Variants in PRKN observed in about 807,000 individuals in gnomAD.
PRKN encodes the protein E3 ubiquitin-protein ligase parkin.
A neutral mutation model predicts 59.5 loss-of-function variants in PRKN; 56 were observed. The ratio of observed to expected loss-of-function variants is 0.94; its 90% CI spans 0.76 to 1.18. The LOEUF (loss-of-function observed/expected upper bound fraction) is 1.18. Ranked by LOEUF, PRKN falls within the 50% of genes most tolerant of loss-of-function variation. The pLI is 0.00. For missense variants in PRKN, 657 were observed against 596.4 expected (o/e 1.10, Z -1.06); for synonymous variants, 250 against 222.1 (o/e 1.13, Z -1.12).
At chr6:161,644,825 C>T (rs1417177858) in intron 7 of PRKN, among the ~76,000 whole-genome samples, 1 of 152,198 alleles carries the variant, frequency 6.6e-6, no homozygotes, top group African/African-American at 2.4e-5. Context: ...GGCCAACAGC[C>T]AAGGCTGCCC....
rs189651753 is a variant in PRKN at position 162,127,066 on chromosome 6, C to G, written c.535-72892G>C. Among the ~76,000 whole-genome samples, 6 of 152,304 alleles carry G rather than the reference C, an allele frequency of 3.9e-5. No individual in the cohort carries two copies. The East Asian group carries it at 1.2e-3, about 29-fold the overall frequency. ...AAGCTCCCAGTTCTTTTCCTTTTTACATTATTGATTTCTAAACCAATAAAA... is the reference window on the plus strand; with the variant it reads ...AAGCTCCCAGTTCTTTTCCTTTTTAGATTATTGATTTCTAAACCAATAAAA... On this transcript the variant is annotated intron_variant, in intron 4 of 11. Coordinates refer to ENST00000366898, the MANE Select transcript of PRKN (RefSeq NM_004562.3).
chr6:162,558,849 C>T (rs1779721456), intron 1 of PRKN, among the ~76,000 whole-genome samples: 1 of 151,498 alleles, frequency 6.6e-6, no homozygotes, highest in Admixed American at 6.6e-5. Flanking sequence ...GCCATGTTGC[C>T]CAGGCTGGTC....
intron 10 of PRKN, among the ~76,000 whole-genome samples, chr6:161,374,473 G>T: frequency 6.9e-6 from 1 of 145,778 alleles, no homozygotes; most frequent in East Asian, 2.1e-4. Context: ...TGGTGTGTGT[G>T]ATGGGTGTGT....
At chr6:162,442,911 C>A (rs1378398515) in intron 2 of PRKN, among the ~76,000 whole-genome samples, 1 of 152,114 alleles carries the variant, frequency 6.6e-6, no homozygotes, top group Non-Finnish European at 1.5e-5. Context: ...TTACAAATTC[C>A]TCACAGTGCA....
At chr6:161,830,269 T>TG (rs398048974) in intron 6 of PRKN, among the ~76,000 whole-genome samples, 2 of 151,684 alleles carry the variant, frequency 1.3e-5, no homozygotes, top group East Asian at 3.9e-4. Context: ...TTTTTTTTTT[T>TG]GAGATGGAGT....
At position 162,360,993 on chromosome 6, in the gene PRKN, T is replaced by A. The variant is rs534702237; in HGVS notation, c.171+82317A>T. 3.9e-5 allele frequency among the ~76,000 whole-genome samples: 6 copies of A among 152,002 alleles called. No homozygotes were observed. The East Asian group carries it at 1.2e-3, about 29-fold the overall frequency. On this transcript the variant is annotated intron_variant, in intron 2 of 11. Transcript: ENST00000366898. ...AAAAACAAAACAAAGCAAAACAGAG[T>A]TCCAGGATTTTAGAAGTGCCTTTTA... is the stretch of plus-strand genomic sequence containing the variant.
rs2115169049 is a variant in PRKN, at chr6:161,462,746, T to A, written c.1084-75869A>T. ...ATTCTGTAGCTGGAAAATATCACCCTGTTTCTCTGGAGAACGGTAGCAATA... is the reference window on the plus strand; with the variant it reads ...ATTCTGTAGCTGGAAAATATCACCCAGTTTCTCTGGAGAACGGTAGCAATA... On this transcript the variant is annotated intron_variant, in intron 9 of 11. Transcript: ENST00000366898. The surrounding 1 kb of genome is among the most constrained non-coding windows in gnomAD (Gnocchi z 4.5). Among the ~76,000 whole-genome samples, 1 of 152,344 alleles carries A rather than the reference T, an allele frequency of 6.6e-6. No homozygotes were observed.
At position 161,419,859 on chromosome 6, in the gene PRKN, T is replaced by C. The variant is rs929772083; in HGVS notation, c.1084-32982A>G. On this transcript the variant is annotated intron_variant, in intron 9 of 11. Coordinates refer to ENST00000366898, the MANE Select transcript of PRKN (RefSeq NM_004562.3). This position sits in a 1 kb window ranked among gnomAD's most constrained non-coding sequence, Gnocchi z 4.1. ...ACTGTGAAAGGGGGAAATTGGTACC[T>C]ACTTGTGGGATTGCTGTAGAGATTC... Among the ~76,000 whole-genome samples, 4 of 151,938 alleles carry C rather than the reference T, an allele frequency of 2.6e-5. No homozygotes were observed. Among genetic ancestry groups the C allele is most frequent in the African/African-American group, 9.7e-5 (4 of 41,354 alleles).
intron 1 of PRKN, among the ~76,000 whole-genome samples, chr6:162,703,167 A>C (rs964385458): frequency 3.9e-5 from 6 of 152,208 alleles, no homozygotes; most frequent in African/African-American, 1.4e-4. Flanking sequence ...TCCACACTAC[A>C]TAAAAGTGAA....
chr6:161,557,765 T>C (rs1034275157), intron 8 of PRKN, among the ~76,000 whole-genome samples: 7 of 152,202 alleles, frequency 4.6e-5, no homozygotes, highest in Non-Finnish European at 7.3e-5. Context: ...TCTGTCAAAA[T>C]GAGTCAATGC....
chr6:162,518,433 T>C (rs1216793796), intron 1 of PRKN, among the ~76,000 whole-genome samples: 1 of 152,212 alleles, frequency 6.6e-6, no homozygotes, highest in African/African-American at 2.4e-5. Flanking sequence ...TGGCGCAATC[T>C]CGGCTCACTG....
In PRKN at chr6:161,466,213, G is replaced by A. The variant is rs180927713; in HGVS notation, c.1084-79336C>T. On this transcript the variant is annotated intron_variant, in intron 9 of 11. Coordinates refer to ENST00000366898, the MANE Select transcript of PRKN (RefSeq NM_004562.3). This position sits in a 1 kb window ranked among gnomAD's most constrained non-coding sequence, Gnocchi z 5.0. ...TCTATTTGAACAGTTTATATTGACC[G>A]CTCTTCAAGATCATTGATACTTACC... 5.3e-5 allele frequency among the ~76,000 whole-genome samples: 8 copies of A among 152,190 alleles called. No homozygotes were observed. The highest frequency in any genetic ancestry group is 2.0e-4 in the Admixed American group (3 of 15,282).
chr6:162,470,860 C>T (rs1338823150), intron 1 of PRKN, among the ~76,000 whole-genome samples: 1 of 151,746 alleles, frequency 6.6e-6, no homozygotes, highest in African/African-American at 2.4e-5. Context: ...AGTTTCAAGT[C>T]ATTCTCCTGC....
At chr6:162,696,570 TTTTC>T (rs1418695683) in intron 1 of PRKN, among the ~76,000 whole-genome samples, 2 of 147,308 alleles carry the variant, frequency 1.4e-5, no homozygotes, top group Non-Finnish European at 3.0e-5. Flanking sequence ...TTTTTTTTTT[TTTTC>T]TTTTTTTTGA....
intron 7 of PRKN, among the ~76,000 whole-genome samples, chr6:161,712,829 C>T (rs1786806849): frequency 6.6e-6 from 1 of 152,176 alleles, no homozygotes; most frequent in Non-Finnish European, 1.5e-5. Context: ...TGTCCTTGCA[C>T]TCAGACACTC....
intron 10 of PRKN, among the ~76,000 whole-genome samples, chr6:161,374,077 T>G (rs909790080): frequency 6.6e-6 from 1 of 152,214 alleles, no homozygotes; most frequent in Non-Finnish European, 1.5e-5. Context: ...GCACTGCAGC[T>G]GCTTCCCTCC....
chr6:162,120,269 A>G (rs1022066586), intron 4 of PRKN, among the ~76,000 whole-genome samples: 2 of 152,210 alleles, frequency 1.3e-5, no homozygotes, highest in Non-Finnish European at 2.9e-5. Context: ...CTCCCAAAGC[A>G]TTGGGATTAT....
intron 2 of PRKN, among the ~76,000 whole-genome samples, chr6:162,333,367 G>A (rs749194578): frequency 6.6e-6 from 1 of 151,866 alleles, no homozygotes; most frequent in Admixed American, 6.6e-5. Flanking sequence ...GGTTTATGGC[G>A]ACCGTGCATC....
chr6:162,136,458 A>G (rs528028952), intron 4 of PRKN, among the ~76,000 whole-genome samples: 6 of 152,332 alleles, frequency 3.9e-5, no homozygotes, highest in Non-Finnish European at 5.9e-5. Flanking sequence ...AGGTGCAAAT[A>G]ATACACTGCT....
Sources: gnomAD v4.1 joint callset for allele counts (sites outside exome capture counted in the v4.1 genomes callset) on GRCh38, gnomAD v4.1.1 for gene constraint, Gnocchi (gnomAD v3.1) non-coding constraint, MANE v1.5 for transcripts, NCBI Gene and HGNC (gene_info 2026-07-23, HGNC 2026-07-21) for gene names.